The following ZNF469 variants were observed in gnomAD, a reference collection of about 807,000 sequenced individuals.
The protein encoded by ZNF469 is zinc finger protein 469.
ZNF469 carries 1 observed loss-of-function variant against 1.0 expected under a neutral mutation model. The ratio of observed to expected loss-of-function variants is 1.00; its 90% confidence interval spans 0.35 to 4.73. The LOEUF (loss-of-function observed/expected upper bound fraction) is 4.73. ZNF469 is among the 30% of genes most tolerant of loss of function. ZNF469 has a pLI of 0.16. For missense variants in ZNF469, 6,100 were observed against 5,356.3 expected (o/e 1.14, Z -4.33); for synonymous variants, 2,703 against 2,363.4 (o/e 1.14, Z -4.17).
At chr16:88,315,384 G>A in the ZNF469 span, among the ~76,000 whole-genome samples, 1 of 152,234 alleles carries the variant, frequency 6.6e-6, no homozygotes, top group Non-Finnish European at 1.5e-5. Flanking sequence ...GGAAGTGGGG[G>A]CCGTCATCTT....
chr16:88,327,475 C>G, the ZNF469 span, among the ~76,000 whole-genome samples: 15 of 152,216 alleles, frequency 9.9e-5, no homozygotes, highest in Non-Finnish European at 2.2e-4. Flanking sequence ...GGTGTGGGTG[C>G]TGAAATGTTC....
Position 88,435,437 on chromosome 16 carries a change from T to G in ZNF469, c.7967T>G (p.Ile2656Ser). ...ATTCTTCCAGTCTCTGCTGATGTGA[T>G]TTCAGATGGGCGCGGCTCCAGACCA... ...ESILPVSADV[I>S]SDGRGSRPSP... The change falls in exon 3 of 3, where the codon ATT becomes AGT. Residue 2656 changes from isoleucine to serine, a missense_variant. Ile to Ser is a moderately radical substitution (Grantham distance 142). Coordinates refer to ENST00000565624, the MANE Select transcript of ZNF469 (RefSeq NM_001367624.2). 6.5e-7 allele frequency: 1 copy of G among 1,550,116 alleles called. No homozygotes were observed. Among genetic ancestry groups the G allele is most frequent in the South Asian group, 1.2e-5 (1 of 84,046 alleles).
At position 88,434,465 on chromosome 16, in the gene ZNF469, G is replaced by A. The variant is rs1462669569; in HGVS notation, c.6995G>A (p.Ser2332Asn). Residue 2332 changes from serine (S) to asparagine (N), a missense_variant, in exon 3 of 3, where the codon AGC becomes AAC. Coordinates refer to ENST00000565624, the MANE Select transcript of ZNF469 (RefSeq NM_001367624.2). ...AGGGGCCACTCCTCGTATTCTCCAA[G>A]CAATACTGCCCGCCTCGGCCACAGG... ...MPRGHSSYSP[S>N]NTARLGHREG... 1.9e-6 allele frequency: 3 copies of A among 1,549,876 alleles called. No homozygotes were observed. The South Asian group carries it at 3.6e-5, about 18-fold the overall frequency.
intron 1 of ZNF469, among the ~76,000 whole-genome samples, chr16:88,420,673 A>G (rs1905429838): frequency 1.3e-5 from 2 of 152,212 alleles, no homozygotes; most frequent in Non-Finnish European, 1.5e-5. Flanking sequence ...GAGGGATGCC[A>G]TGCTTCTGAG....
At chr16:88,247,533 T>C in the ZNF469 span, among the ~76,000 whole-genome samples, 1 of 151,402 alleles carries the variant, frequency 6.6e-6, no homozygotes, top group South Asian at 2.1e-4. Context: ...AATGAGTGAG[T>C]GAGTGAATGA....
intron 1 of ZNF469, among the ~76,000 whole-genome samples, chr16:88,403,343 C>T (rs972975222): frequency 6.6e-6 from 1 of 152,238 alleles, no homozygotes; most frequent in Non-Finnish European, 1.5e-5. Context: ...AAATCCTCTG[C>T]GTGGGTTTGG....
chr16:88,193,042 GTGGTGA>G, the ZNF469 span, among the ~76,000 whole-genome samples: 2 of 55,766 alleles, frequency 3.6e-5, no homozygotes, highest in African/African-American at 1.7e-4. Context: ...GGTGATGGTG[GTGGTGA>G]TGATGGTGAT....
chr16:88,405,693 C>A (rs1423590386), intron 1 of ZNF469, among the ~76,000 whole-genome samples: 1 of 152,154 alleles, frequency 6.6e-6, no homozygotes, highest in Non-Finnish European at 1.5e-5. Context: ...CTCAGAGTAC[C>A]CCCAGGAAGT....
intron 2 of ZNF469, among the ~76,000 whole-genome samples, chr16:88,425,843 GC>G (rs1302207574): frequency 6.6e-6 from 1 of 152,158 alleles, no homozygotes; most frequent in African/African-American, 2.4e-5. Context: ...GGGCACCCGG[GC>G]CCCCCAGCTG....
chr16:88,169,265 T>A, the ZNF469 span, among the ~76,000 whole-genome samples: 1 of 152,268 alleles, frequency 6.6e-6, no homozygotes, highest in African/African-American at 2.4e-5. This position sits in a 1 kb window ranked among gnomAD's most constrained non-coding sequence, Gnocchi z 6.1. Flanking sequence ...GTCAGTAAAA[T>A]CCACACTTTC....
the ZNF469 span, among the ~76,000 whole-genome samples, chr16:88,192,883 ATGG>A: frequency 1.2e-4 from 17 of 139,578 alleles, no homozygotes; most frequent in East Asian, 2.4e-4. Context: ...GATGATGATG[ATGG>A]TGGTGGTGAT....
At position 88,439,499 on chromosome 16, in the gene ZNF469, C is replaced by T. The variant is rs1202952003; in HGVS notation, c.*167C>T. ...GAGGTGGTGATGCTTTGAACAGGGCCCAGGTGGGCAGCATTCCCTTTCTTG... is the reference window on the plus strand; with the variant it reads ...GAGGTGGTGATGCTTTGAACAGGGCTCAGGTGGGCAGCATTCCCTTTCTTG... On this transcript the variant is annotated 3_prime_UTR_variant, in exon 3 of 3. Transcript: ENST00000565624. The T allele has an allele frequency of 1.2e-5, 9 of 769,474 alleles. No individual in the cohort carries two copies. The highest frequency in any genetic ancestry group is 1.0e-4 in the Admixed American group (4 of 38,532). The allele number at this position is 769,474 out of a possible 1,614,324, so 47.7% of individuals were successfully genotyped here.
At chr16:88,279,938 G>A in the ZNF469 span, among the ~76,000 whole-genome samples, 3 of 150,476 alleles carry the variant, frequency 2.0e-5, no homozygotes, top group Non-Finnish European at 4.4e-5. Flanking sequence ...AGATATCAGT[G>A]CACGGTTAGT....
the ZNF469 span, among the ~76,000 whole-genome samples, chr16:88,121,297 C>A: frequency 6.6e-6 from 1 of 151,906 alleles, no homozygotes. Flanking sequence ...CTTGTCCAAA[C>A]CCTCCGAGGA....
chr16:88,125,439 C>A, the ZNF469 span, among the ~76,000 whole-genome samples: 1 of 152,210 alleles, frequency 6.6e-6, no homozygotes, highest in Non-Finnish European at 1.5e-5. Context: ...AGCCATATAA[C>A]TTTGAGAATC....
chr16:88,227,719 A>C, the ZNF469 span, among the ~76,000 whole-genome samples: 1 of 152,184 alleles, frequency 6.6e-6, no homozygotes, highest in Non-Finnish European at 1.5e-5. Context: ...AATGATGGAG[A>C]CGTTGTTTCC....
At chr16:88,111,267 G>C in the ZNF469 span, among the ~76,000 whole-genome samples, 1 of 152,198 alleles carries the variant, frequency 6.6e-6, no homozygotes, top group East Asian at 1.9e-4. Flanking sequence ...TTTTTTTTGT[G>C]GGTACGTCGT....
rs541621997 is a variant in ZNF469 at position 88,388,803 on chromosome 16, C to T, written c.-192+5549C>T. Among the ~76,000 whole-genome samples, 13 of 151,700 alleles carry T rather than the reference C, an allele frequency of 8.6e-5. No individual in the cohort carries two copies. In the South Asian group the frequency reaches 2.5e-3, roughly 29 times the overall value. ...CAATCTCCATACTGGAGGAAGCTGC[C>T]CCATCTGTAGAAGCCGGAGAGCCTG... On this transcript the variant is annotated intron_variant, in intron 1 of 2. Coordinates refer to ENST00000565624, the MANE Select transcript of ZNF469 (RefSeq NM_001367624.2).
the ZNF469 span, among the ~76,000 whole-genome samples, chr16:88,289,648 G>A: frequency 3.3e-5 from 5 of 152,168 alleles, no homozygotes; most frequent in Admixed American, 3.3e-4. Flanking sequence ...GAAGTCACTT[G>A]TGAGTGGTGG....
Sources: allele counts gnomAD v4.1 joint callset (sites outside exome capture counted in the v4.1 genomes callset), GRCh38; gene constraint gnomAD v4.1.1; non-coding constraint Gnocchi (gnomAD v3.1); transcripts MANE v1.5; gene names NCBI Gene and HGNC (gene_info 2026-07-23, HGNC 2026-07-21).